The following BCAS3 variants were observed in gnomAD, a reference collection of about 807,000 sequenced individuals.
BCAS3 encodes BCAS4/BCAS3 fusion.
BCAS3 carries 53 observed loss-of-function variants against 116.1 expected under a neutral mutation model. That is an observed-to-expected ratio of 0.46 (90% CI 0.37 to 0.57). The LOEUF (loss-of-function observed/expected upper bound fraction) is 0.57. Ranked by LOEUF, BCAS3 falls within the 20% of genes least tolerant of loss-of-function variation. BCAS3 has a pLI of 0.00. For missense variants in BCAS3, 917 were observed against 1,165.4 expected (o/e 0.79, Z 3.10); for synonymous variants, 391 against 408.2 (o/e 0.96, Z 0.51).
chr17:61,141,015 A>T lies in BCAS3; in HGVS notation c.2425+56451A>T, dbSNP rs1187760881. Among the ~76,000 whole-genome samples, 1 of 151,862 alleles carries T rather than the reference A, an allele frequency of 6.6e-6. No individual in the cohort carries two copies. The highest frequency in any genetic ancestry group is 2.4e-5 in the African/African-American group (1 of 41,328). On this transcript the variant is annotated intron_variant, in intron 22 of 23. Transcript: ENST00000407086. The surrounding 1 kb of genome is among the most constrained non-coding windows in gnomAD (Gnocchi z 4.3). ...AAGCCCGTGAGAGATCATTGCTACC[A>T]CTTCTACTTTTCATTATCATGTCTC... is the stretch of plus-strand genomic sequence containing the variant.
rs1347508810 is a variant in BCAS3, at chr17:61,362,759, TC to T, written c.2426-5566del. 1 of 152,242 alleles carries T rather than the reference TC, an allele frequency of 6.6e-6. No homozygotes were observed. Among genetic ancestry groups the T allele is most frequent in the East Asian group, 1.9e-4 (1 of 5,208 alleles). The allele number at this position is 152,242 out of a possible 1,614,324, so 9.4% of individuals were successfully genotyped here. A position where few individuals can be genotyped will look rare whatever the true frequency, so the allele number is the denominator to read the frequency against. ...TGGATGAGACCAGCTCTCTCTGCCG[TC>T]CTAGACAGATTGTTTTGTTTTTTCC... On this transcript the variant is annotated intron_variant, in intron 22 of 23. Transcript: ENST00000407086. This position sits in a 1 kb window ranked among gnomAD's most constrained non-coding sequence, Gnocchi z 4.4.
At chr17:61,107,243 CA>C (rs2074727266) in intron 22 of BCAS3, among the ~76,000 whole-genome samples, 1 of 151,950 alleles carries the variant, frequency 6.6e-6, no homozygotes, top group African/African-American at 2.4e-5. Flanking sequence ...TGCACCACCA[CA>C]CCCGGCTAAT....
chr17:61,361,458 A>G lies in BCAS3; in HGVS notation c.2426-6869A>G, dbSNP rs2058447060. Reference sequence around the variant, plus strand: ...CCATGCGATATGATACACATAATATATAACATAATATAATATCTGATCTAT... The same window carrying G: ...CCATGCGATATGATACACATAATATGTAACATAATATAATATCTGATCTAT... On this transcript the variant is annotated intron_variant, in intron 22 of 23. Coordinates refer to ENST00000407086, the MANE Select transcript of BCAS3 (RefSeq NM_017679.5). This position sits in a 1 kb window ranked among gnomAD's most constrained non-coding sequence, Gnocchi z 6.5. Among the ~76,000 whole-genome samples the G allele has an allele frequency of 6.6e-6, 1 of 152,304 alleles. No individual in the cohort carries two copies. The highest frequency in any genetic ancestry group is 1.9e-4 in the East Asian group (1 of 5,182).
chr17:60,989,885 A>G (rs892813812), intron 14 of BCAS3, 86 bp from the exon 15 acceptor site: 3 of 1,387,958 alleles, frequency 2.2e-6, no homozygotes, highest in African/African-American at 2.9e-5. Context: ...GCAATCATTT[A>G]TATTCATATT....
Position 61,282,157 on chromosome 17 carries a change from G to T in BCAS3, c.2426-86170G>T, listed in dbSNP as rs1568744767. Among the ~76,000 whole-genome samples, 1 of 152,258 alleles carries T rather than the reference G, an allele frequency of 6.6e-6. No individual in the cohort carries two copies. Among genetic ancestry groups the T allele is most frequent in the East Asian group, 1.9e-4 (1 of 5,190 alleles). On this transcript the variant is annotated intron_variant, in intron 22 of 23. Coordinates refer to ENST00000407086, the MANE Select transcript of BCAS3 (RefSeq NM_017679.5). The surrounding 1 kb of genome is among the most constrained non-coding windows in gnomAD (Gnocchi z 5.9). ...TTTTTAAAGTATAAAGAAATTATTTGGGACAGTTTTTCAGTGAACACATTC... is the reference window on the plus strand; with the variant it reads ...TTTTTAAAGTATAAAGAAATTATTTTGGACAGTTTTTCAGTGAACACATTC...
At chr17:60,943,781 T>C (rs953055530) in intron 13 of BCAS3, among the ~76,000 whole-genome samples, 2 of 152,088 alleles carry the variant, frequency 1.3e-5, no homozygotes, top group Admixed American at 1.3e-4. Context: ...CTTTAACAAA[T>C]GTAAAAGAAG....
Position 61,128,742 on chromosome 17 carries a change from G to A in BCAS3, c.2425+44178G>A, listed in dbSNP as rs893301560. 8 of 455,530 alleles carry A rather than the reference G, an allele frequency of 1.8e-5. No individual in the cohort carries two copies. Among genetic ancestry groups the A allele is most frequent in the Admixed American group, 1.3e-4 (2 of 15,596 alleles). The allele number at this position is 455,530 out of a possible 1,614,324, so 28.2% of individuals were successfully genotyped here. ...AACATGATTTTGCATTTACATCATC[G>A]TGCTAGCTGGTAGAATTTTTTCCCC... is the stretch of plus-strand genomic sequence containing the variant. On this transcript the variant is annotated intron_variant, in intron 22 of 23. Transcript: ENST00000407086. The surrounding 1 kb of genome is among the most constrained non-coding windows in gnomAD (Gnocchi z 4.1).
rs2056348942 is a variant in BCAS3, at chr17:61,332,187, A to C, written c.2426-36140A>C. Among the ~76,000 whole-genome samples the C allele has an allele frequency of 6.6e-6, 1 of 152,146 alleles. No individual in the cohort carries two copies. The highest frequency in any genetic ancestry group is 2.4e-5 in the African/African-American group (1 of 41,430). ...AAAGGCTCTGCAGAGAGACACCTGGATGGCTTCTCTTCTATGTTTCGGGGA... is the reference window on the plus strand; with the variant it reads ...AAAGGCTCTGCAGAGAGACACCTGGCTGGCTTCTCTTCTATGTTTCGGGGA... On this transcript the variant is annotated intron_variant, in intron 22 of 23. Transcript: ENST00000407086. The surrounding 1 kb of genome is among the most constrained non-coding windows in gnomAD (Gnocchi z 5.4).
chr17:61,157,086 G>C (rs73991498), intron 22 of BCAS3, among the ~76,000 whole-genome samples: 1,727 of 152,268 alleles, frequency 0.011, 34 homozygotes, highest in African/African-American at 0.039. Flanking sequence ...GTTTGGGATG[G>C]ATTAATTTTA....
intron 7 of BCAS3, among the ~76,000 whole-genome samples, chr17:60,868,027 GTT>G (rs750908710): frequency 3.6e-5 from 5 of 140,036 alleles, no homozygotes; most frequent in Non-Finnish European, 6.3e-5. Flanking sequence ...TTTCTTTCAT[GTT>G]TTTTTTTTTT....
intron 2 of BCAS3, among the ~76,000 whole-genome samples, chr17:60,683,446 A>G (rs1306697890): frequency 2.0e-5 from 3 of 148,958 alleles, no homozygotes; most frequent in African/African-American, 4.9e-5. Flanking sequence ...AATAACATAT[A>G]TAAAGACCCA....
intron 7 of BCAS3, among the ~76,000 whole-genome samples, chr17:60,858,669 A>G (rs983970884): frequency 2.0e-5 from 3 of 152,046 alleles, no homozygotes; most frequent in Non-Finnish European, 1.5e-5. Context: ...CTGGTAAACT[A>G]TTTTTCAGAG....
At chr17:60,834,764 ACT>A (rs925869265) in intron 7 of BCAS3, among the ~76,000 whole-genome samples, 7 of 151,742 alleles carry the variant, frequency 4.6e-5, no homozygotes, top group Admixed American at 1.3e-4. Flanking sequence ...ATGAAAAATG[ACT>A]CTGTATTTTT....
At chr17:60,738,645 G>A (rs537366790) in intron 5 of BCAS3, among the ~76,000 whole-genome samples, 70 of 152,126 alleles carry the variant, frequency 4.6e-4, no homozygotes, top group Admixed American at 4.6e-4. Context: ...GTTTTAATCC[G>A]TTTTCACAAT....
At chr17:60,849,636 G>T (rs758188241) in intron 7 of BCAS3, among the ~76,000 whole-genome samples, 1 of 152,152 alleles carries the variant, frequency 6.6e-6, no homozygotes, top group Non-Finnish European at 1.5e-5. Flanking sequence ...GTGGTGCCTA[G>T]TACTGGTTTT....
intron 22 of BCAS3, among the ~76,000 whole-genome samples, chr17:61,314,310 C>T (rs3785853): frequency 0.74 from 112,131 of 152,120 alleles, 41,547 homozygotes; most frequent in East Asian, 0.85. Context: ...GGTCCTTCTC[C>T]TCTTTTACAG....
chr17:60,989,731 A>G (rs1336719245), intron 14 of BCAS3, among the ~76,000 whole-genome samples: 1 of 152,066 alleles, frequency 6.6e-6, no homozygotes, highest in East Asian at 1.9e-4. Context: ...CTTTCTTTGC[A>G]TTTCACCTCT....
chr17:60,721,202 C>T (rs1369273048), intron 5 of BCAS3, among the ~76,000 whole-genome samples: 1 of 151,980 alleles, frequency 6.6e-6, no homozygotes, highest in East Asian at 1.9e-4. Flanking sequence ...TTTGGGTACA[C>T]TGGCAAGCAG....
chr17:60,849,502 G>C (rs1486509606), intron 7 of BCAS3, among the ~76,000 whole-genome samples: 1 of 151,984 alleles, frequency 6.6e-6, no homozygotes, highest in African/African-American at 2.4e-5. Flanking sequence ...AGGATGGTAT[G>C]TTTTCTGTAT....
Sources: allele counts gnomAD v4.1 joint callset (sites outside exome capture counted in the v4.1 genomes callset), GRCh38; gene constraint gnomAD v4.1.1; non-coding constraint Gnocchi (gnomAD v3.1); transcripts MANE v1.5; gene names NCBI Gene and HGNC (gene_info 2026-07-23, HGNC 2026-07-21).